TMEM260: variants seen among roughly 807,000 people sequenced by gnomAD.
The protein encoded by TMEM260 is protein O-mannosyl-transferase TMEM260.
TMEM260 carries 82 observed loss-of-function variants against 88.9 expected under a neutral mutation model. The observed-to-expected ratio is 0.92, with a 90% CI of 0.77 to 1.11. The LOEUF is 1.11. TMEM260 is among the 50% of genes least tolerant of loss of function. The pLI is 0.00. For missense variants in TMEM260, 902 were observed against 853.4 expected (o/e 1.06, Z -0.71); for synonymous variants, 314 against 309.3 (o/e 1.02, Z -0.16).
chr14:56,622,603 T>A (rs1888000499), intron 11 of TMEM260, among the ~76,000 whole-genome samples: 1 of 151,126 alleles, frequency 6.6e-6, no homozygotes, highest in South Asian at 2.1e-4. Flanking sequence ...CTATGAAAAC[T>A]TTTTTTTTCA....
At chr14:56,640,619 C>T (rs1367311579) in intron 15 of TMEM260, among the ~76,000 whole-genome samples, 1 of 152,122 alleles carries the variant, frequency 6.6e-6, no homozygotes, top group Non-Finnish European at 1.5e-5. Context: ...AGCTCCTCAC[C>T]AGCAATGGAA....
chr14:56,639,975 A>G (rs1298263095), intron 15 of TMEM260, among the ~76,000 whole-genome samples: 2 of 152,214 alleles, frequency 1.3e-5, no homozygotes, highest in Admixed American at 6.5e-5. Flanking sequence ...CAGGTAAACA[A>G]AGCAGCTGGG....
the TMEM260 span, among the ~76,000 whole-genome samples, chr14:56,659,307 C>T: frequency 1.3e-5 from 2 of 150,986 alleles, no homozygotes; most frequent in South Asian, 4.2e-4. Flanking sequence ...CCTTTTCCCC[C>T]TTTACTCCTT....
At chr14:56,653,742 A>AAAAAAAAAC (rs1890249489), downstream of TMEM260, among the ~76,000 whole-genome samples, 2 of 65,802 alleles carry the variant, frequency 3.0e-5, no homozygotes, top group Non-Finnish European at 8.3e-5. Flanking sequence ...TCTCCAAAAC[A>AAAAAAAAAC]AAAAAAAAAA....
chr14:56,636,697 T>C lies in TMEM260; in HGVS notation c.1869+99T>C, dbSNP rs535204830. On this transcript the variant is annotated intron_variant, in intron 15 of 15. Coordinates refer to ENST00000261556, the MANE Select transcript of TMEM260 (RefSeq NM_017799.4). The stretch of plus-strand genomic sequence containing the variant: ...AGGGTATATCACATTAGAATTTTTA[T>C]TATTTTATTTCTCTCAATTTGGGTG... 1.1e-5 allele frequency: 11 copies of C among 1,045,810 alleles called. No individual in the cohort carries two copies. In the African/African-American group the frequency reaches 1.3e-4, roughly 12 times the overall value. The allele number at this position is 1,045,810 out of a possible 1,614,324, so 64.8% of individuals were successfully genotyped here.
the TMEM260 span, among the ~76,000 whole-genome samples, chr14:56,659,267 T>G: frequency 5.9e-4 from 90 of 151,784 alleles, no homozygotes; most frequent in African/African-American, 2.0e-3. Context: ...TTTTGTTTTT[T>G]TTTTTTTTTA....
At chr14:56,655,891 C>G in the TMEM260 span, among the ~76,000 whole-genome samples, 10 of 152,146 alleles carry the variant, frequency 6.6e-5, no homozygotes, top group African/African-American at 2.2e-4. Context: ...GTCACTGTGA[C>G]TTCCCTCCCA....
At chr14:56,600,020 G>A (rs189231227) in intron 3 of TMEM260, among the ~76,000 whole-genome samples, 8 of 152,282 alleles carry the variant, frequency 5.3e-5, no homozygotes, top group African/African-American at 9.6e-5. Context: ...ATTTAAATAA[G>A]CAGTAAATAG....
intron 11 of TMEM260, among the ~76,000 whole-genome samples, chr14:56,622,228 A>G (rs1364318796): frequency 6.6e-6 from 1 of 151,230 alleles, no homozygotes; most frequent in Non-Finnish European, 1.5e-5. Flanking sequence ...CTGTAGTCCC[A>G]GCTACTCGGG....
chr14:56,605,177 C>G (rs569241338), intron 4 of TMEM260, among the ~76,000 whole-genome samples: 30 of 152,164 alleles, frequency 2.0e-4, no homozygotes, highest in African/African-American at 7.2e-4. Context: ...CCAGAGATAA[C>G]CAGATTTCTA....
intron 3 of TMEM260, among the ~76,000 whole-genome samples, chr14:56,602,069 G>A (rs892489595): frequency 1.3e-5 from 2 of 152,052 alleles, no homozygotes; most frequent in African/African-American, 4.8e-5. Context: ...ACTTTAATTT[G>A]TTCTTTCATT....
chr14:56,615,798 C>T (rs190493699), intron 7 of TMEM260, 146 bp from the exon 8 acceptor site: 1 of 599,046 alleles, frequency 1.7e-6, no homozygotes, highest in African/African-American at 1.8e-5. Context: ...ACTTTTTCTT[C>T]CAACTTTAAA....
chr14:56,626,073 G>A (rs771410591), intron 12 of TMEM260, among the ~76,000 whole-genome samples: 1 of 152,128 alleles, frequency 6.6e-6, no homozygotes, highest in East Asian at 1.9e-4. Context: ...TAATTCCTCC[G>A]ATGGCACAGT....
intron 6 of TMEM260, among the ~76,000 whole-genome samples, chr14:56,610,003 A>G (rs745379839): frequency 5.9e-5 from 9 of 152,178 alleles, no homozygotes; most frequent in Non-Finnish European, 1.2e-4. Flanking sequence ...TATGTAGTAT[A>G]TAATACCACT....
rs912464722 is a variant in TMEM260, at chr14:56,634,752, G to GAATC, written c.1725-145_1725-142dup. 2.5e-5 allele frequency: 16 copies of GAATC among 645,334 alleles called. No homozygotes were observed. In the African/African-American group the frequency reaches 2.6e-4, roughly 10 times the overall value. The allele number at this position is 645,334 out of a possible 1,614,324, so 40.0% of individuals were successfully genotyped here. On this transcript the variant is annotated intron_variant, in intron 13 of 15. Transcript: ENST00000261556. ...AGCTACTTGGGAGGCGGGGGCAGGA[G>GAATC]AATCACTTGAACCCAGGAGGTGGAG...
intron 13 of TMEM260, 181 bp downstream of exon 13, chr14:56,633,352 T>A (rs1445405528): frequency 9.9e-6 from 5 of 504,294 alleles, no homozygotes; most frequent in Non-Finnish European, 1.7e-5. Context: ...GTTCTCCTAC[T>A]TACAGAACAA....
chr14:56,633,273 A>G (rs933590312), intron 13 of TMEM260, 102 bp downstream of exon 13: 2 of 895,128 alleles, frequency 2.2e-6, no homozygotes, highest in African/African-American at 1.7e-5. Context: ...TTTTTTTATT[A>G]ATTGTTAATA....
At position 56,647,515 on chromosome 14, in the gene TMEM260, A is replaced by G; in HGVS notation, c.*18A>G. ...ATGTCTGAGACAGCAAAATATGAAA[A>G]ACCTGCTCATCGTTCAGCTTCCAAA... On this transcript the variant is annotated 3_prime_UTR_variant, in exon 16 of 16. Transcript: ENST00000261556. 1 of 1,566,596 alleles carries G rather than the reference A, an allele frequency of 6.4e-7. No individual in the cohort carries two copies. The highest frequency in any genetic ancestry group is 1.4e-5 in the African/African-American group (1 of 72,636).
At chr14:56,628,635 A>T (rs962792989) in intron 12 of TMEM260, among the ~76,000 whole-genome samples, 5 of 152,068 alleles carry the variant, frequency 3.3e-5, no homozygotes, top group Admixed American at 1.3e-4. Flanking sequence ...AATGAAAAAA[A>T]ATCTTCTGGG....
Sources: allele counts gnomAD v4.1 joint callset (sites outside exome capture counted in the v4.1 genomes callset), GRCh38; gene constraint gnomAD v4.1.1; transcripts MANE v1.5; gene names NCBI Gene and HGNC (gene_info 2026-07-23, HGNC 2026-07-21).